Variants in TBCK observed in about 807,000 individuals in gnomAD.
The protein encoded by TBCK is TBC domain-containing protein kinase-like protein.
TBCK carries 99 observed loss-of-function variants against 113.4 expected under a neutral mutation model. The observed-to-expected ratio is 0.87, with a 90% CI of 0.74 to 1.03. The LOEUF is 1.03. Ranked by LOEUF, TBCK falls within the 50% of genes least tolerant of loss-of-function variation. The probability of loss-of-function intolerance (pLI) is 0.00; values close to 1 mark genes in which losing one functional copy is unlikely to be tolerated. For synonymous variants in TBCK, 369 were observed against 370.8 expected (o/e 1.00, Z 0.05); for missense variants, 1,045 against 1,061.3 (o/e 0.98, Z 0.21).
intron 5 of TBCK, among the ~76,000 whole-genome samples, chr4:106,254,158 T>C (rs1161162589): frequency 6.6e-6 from 1 of 152,228 alleles, no homozygotes; most frequent in Non-Finnish European, 1.5e-5. Context: ...CCAAGGATTT[T>C]ATTTGGGACT....
chr4:106,307,031 C>T (rs1247433799), intron 2 of TBCK, among the ~76,000 whole-genome samples: 13 of 152,176 alleles, frequency 8.5e-5, no homozygotes, highest in South Asian at 2.1e-4. Flanking sequence ...AAATCTCTCA[C>T]GAAGCCTCCT....
At chr4:106,170,985 C>A in intron 23 of TBCK, 110 bp downstream of exon 23, 1 of 744,694 alleles carries the variant, frequency 1.3e-6, no homozygotes. Flanking sequence ...AAAATATCTA[C>A]ATTAAAAGGA....
At chr4:106,178,308 A>C (rs1358907076) in intron 22 of TBCK, among the ~76,000 whole-genome samples, 1 of 151,178 alleles carries the variant, frequency 6.6e-6, no homozygotes, top group Non-Finnish European at 1.5e-5. Flanking sequence ...GAATGTGTTA[A>C]TTTTTTTTTC....
intron 1 of TBCK, among the ~76,000 whole-genome samples, chr4:106,314,245 C>A (rs1264659520): frequency 6.6e-6 from 1 of 152,046 alleles, no homozygotes; most frequent in East Asian, 1.9e-4. Flanking sequence ...CTACTTTTCT[C>A]GTTTTACCAA....
chr4:106,311,159 T>C (rs1247696689), intron 1 of TBCK, among the ~76,000 whole-genome samples: 2 of 151,520 alleles, frequency 1.3e-5, no homozygotes, highest in Non-Finnish European at 2.9e-5. Context: ...TCACTAGATA[T>C]GTTTTACACT....
chr4:106,288,217 A>T (rs1161594451), intron 3 of TBCK, among the ~76,000 whole-genome samples: 1 of 152,104 alleles, frequency 6.6e-6, no homozygotes, highest in Non-Finnish European at 1.5e-5. Flanking sequence ...AACACGGTGC[A>T]ACCCTGTCTG....
At chr4:106,080,952 A>T (rs953792749) in intron 25 of TBCK, among the ~76,000 whole-genome samples, 3 of 152,242 alleles carry the variant, frequency 2.0e-5, no homozygotes, top group African/African-American at 7.2e-5. Context: ...GAGAAATGCA[A>T]ATTAAAACCT....
intron 24 of TBCK, among the ~76,000 whole-genome samples, chr4:106,103,191 C>T (rs919857666): frequency 6.6e-6 from 1 of 152,158 alleles, no homozygotes; most frequent in African/African-American, 2.4e-5. Flanking sequence ...TGCAATACTG[C>T]TTTCTAAAAT....
At chr4:106,250,626 TAA>T in intron 6 of TBCK, 148 bp from the exon 7 acceptor site, 1 of 535,640 alleles carries the variant, frequency 1.9e-6, no homozygotes, top group South Asian at 2.6e-5. Flanking sequence ...TCAGCTCCAC[TAA>T]AGAAAAATTA....
chr4:106,091,899 T>G (rs930537114), intron 25 of TBCK, among the ~76,000 whole-genome samples: 1 of 152,162 alleles, frequency 6.6e-6, no homozygotes, highest in African/African-American at 2.4e-5. Flanking sequence ...TTGGTCTGTT[T>G]TACAGAGAGC....
chr4:106,298,181 C>T (rs1408950743), intron 2 of TBCK, among the ~76,000 whole-genome samples: 1 of 152,170 alleles, frequency 6.6e-6, no homozygotes, highest in Non-Finnish European at 1.5e-5. Flanking sequence ...AGTAACTCCA[C>T]CTTATCCATG....
At chr4:106,068,493 G>T (rs1345216059) in intron 25 of TBCK, among the ~76,000 whole-genome samples, 1 of 152,038 alleles carries the variant, frequency 6.6e-6, no homozygotes, top group Non-Finnish European at 1.5e-5. Context: ...CTTTTTTATG[G>T]CTGCATAATA....
At chr4:106,225,170 T>C (rs1433412605) in intron 19 of TBCK, among the ~76,000 whole-genome samples, 1 of 152,196 alleles carries the variant, frequency 6.6e-6, no homozygotes, top group Non-Finnish European at 1.5e-5. Context: ...TTTTTTCTTA[T>C]GTAACATATG....
At chr4:106,120,624 C>A (rs1477086905) in intron 23 of TBCK, among the ~76,000 whole-genome samples, 2 of 152,214 alleles carry the variant, frequency 1.3e-5, no homozygotes, top group Non-Finnish European at 2.9e-5. Flanking sequence ...GATCTGAGAA[C>A]CAGCAGACTG....
chr4:106,205,594 A>G (rs1755399648), intron 20 of TBCK, among the ~76,000 whole-genome samples: 1 of 125,480 alleles, frequency 8.0e-6, no homozygotes, highest in African/African-American at 3.0e-5. Context: ...ATACAAAAAA[A>G]AAAAAAAAAA....
intron 15 of TBCK, among the ~76,000 whole-genome samples, chr4:106,234,712 C>T (rs915374011): frequency 2.0e-4 from 31 of 151,904 alleles, no homozygotes; most frequent in Non-Finnish European, 4.0e-4. Flanking sequence ...AGAATTTGGC[C>T]CATTATTATG....
chr4:106,219,474 C>G (rs569406798), intron 19 of TBCK, among the ~76,000 whole-genome samples: 1 of 151,468 alleles, frequency 6.6e-6, no homozygotes, highest in Non-Finnish European at 1.5e-5. Context: ...ATACGGTAGG[C>G]AATTAAAAAT....
chr4:106,298,472 G>A (rs555305429), intron 2 of TBCK, among the ~76,000 whole-genome samples: 6 of 151,732 alleles, frequency 4.0e-5, no homozygotes, highest in Admixed American at 2.0e-4. Context: ...TTAGCCAGGC[G>A]TGGTGGCAGG....
rs1003969164 is a variant in TBCK, at chr4:106,158,606, A to G, written c.2235+12489T>C. Among the ~76,000 whole-genome samples, 6 of 151,994 alleles carry G rather than the reference A, an allele frequency of 3.9e-5. No individual in the cohort carries two copies. The East Asian group carries it at 1.2e-3, about 29-fold the overall frequency. On this transcript the variant is annotated intron_variant, in intron 23 of 25. Transcript: ENST00000394708. ...GCTTACCAAGACTAAAATCAGAAAG[A>G]GTTAAAAAATCTAACTAGATCTAGT...
Sources: gnomAD v4.1 joint callset for allele counts (sites outside exome capture counted in the v4.1 genomes callset) on GRCh38, gnomAD v4.1.1 for gene constraint, MANE v1.5 for transcripts, NCBI Gene and HGNC (gene_info 2026-07-23, HGNC 2026-07-21) for gene names.